The following CELF4 variants were observed in gnomAD, a reference collection of about 807,000 sequenced individuals.
The protein encoded by CELF4 is CUGBP Elav-like family member 4.
In CELF4, 18 loss-of-function variants were observed where a neutral mutation model predicts 59.9. The observed-to-expected ratio is 0.30, with a 90% CI of 0.21 to 0.45. The LOEUF (loss-of-function observed/expected upper bound fraction) is 0.45. Ranked by LOEUF, CELF4 falls within the 20% of genes least tolerant of loss-of-function variation. The pLI is 1.00. For missense variants in CELF4, 456 were observed against 689.0 expected, an observed-to-expected ratio of 0.66 and a Z score of 3.79; for synonymous variants, 261 against 267.1, an observed-to-expected ratio of 0.98 and a Z score of 0.22.
At chr18:37,302,201 G>C (rs2096092337) in intron 3 of CELF4, among the ~76,000 whole-genome samples, 1 of 152,138 alleles carries the variant, frequency 6.6e-6, no homozygotes. Flanking sequence ...CAGGTGGATG[G>C]AGTTACCTGT....
At chr18:37,519,413 C>A (rs558307692) in intron 1 of CELF4, among the ~76,000 whole-genome samples, 121 of 152,168 alleles carry the variant, frequency 8.0e-4, no homozygotes, top group African/African-American at 2.9e-3. Flanking sequence ...GCTTTGTTTG[C>A]GCCTTCCTCC....
intron 1 of CELF4, among the ~76,000 whole-genome samples, chr18:37,526,810 T>C (rs987565489): frequency 2.0e-5 from 3 of 152,168 alleles, no homozygotes; most frequent in Non-Finnish European, 4.4e-5. Flanking sequence ...TGGGCCTAGT[T>C]TGAATCCCAA....
At chr18:37,538,825 C>T (rs1488311616) in intron 1 of CELF4, among the ~76,000 whole-genome samples, 1 of 152,156 alleles carries the variant, frequency 6.6e-6, no homozygotes, top group East Asian at 1.9e-4. Flanking sequence ...TCCCAGAGCC[C>T]GACTGGAAGA....
chr18:37,416,272 A>T (rs1369571954), intron 2 of CELF4, among the ~76,000 whole-genome samples: 1 of 152,018 alleles, frequency 6.6e-6, no homozygotes, highest in African/African-American at 2.4e-5. Context: ...CTGCCATTTG[A>T]AGTATCTGAC....
rs35947067 is a variant in CELF4, at chr18:37,367,695, CT to C, written c.370-45815del. 1.2e-3 allele frequency among the ~76,000 whole-genome samples: 169 copies of C among 144,570 alleles called. 1 individual carries two copies. The highest frequency in any genetic ancestry group is 3.0e-3 in the East Asian group (15 of 4,996). The allele number at this position is 144,570 out of a possible 152,430, so 94.8% of individuals were successfully genotyped here. A position where few individuals can be genotyped will look rare whatever the true frequency, so the allele number is the denominator to read the frequency against. ...GAGACTGTGTTTTTTTCTTTTCTTT[CT>C]TTTTTTTTTTTCTTAAAAGAGAGAA... On this transcript the variant is annotated intron_variant, in intron 2 of 12. Coordinates refer to ENST00000420428, the MANE Select transcript of CELF4 (RefSeq NM_020180.4).
chr18:37,552,782 T>A (rs1222130411), intron 1 of CELF4, among the ~76,000 whole-genome samples: 1 of 152,228 alleles, frequency 6.6e-6, no homozygotes. Flanking sequence ...GCCTGCATGT[T>A]TGGCCCTTCC....
chr18:37,411,349 CGT>C (rs1448668393), intron 2 of CELF4, among the ~76,000 whole-genome samples: 3 of 152,056 alleles, frequency 2.0e-5, no homozygotes, highest in African/African-American at 7.3e-5. Flanking sequence ...GTGTGGGAGA[CGT>C]GTGTGTTTAT....
intron 1 of CELF4, among the ~76,000 whole-genome samples, chr18:37,558,136 G>A (rs2154606169): frequency 6.6e-6 from 1 of 151,234 alleles, no homozygotes; most frequent in Admixed American, 6.6e-5. Context: ...TGAGTAGCTG[G>A]GACTACAGGC....
chr18:37,350,938 T>A (rs2098425664), intron 2 of CELF4, among the ~76,000 whole-genome samples: 1 of 152,216 alleles, frequency 6.6e-6, no homozygotes, highest in African/African-American at 2.4e-5. Context: ...GTCTTGGGTC[T>A]CTGGGGAGCC....
intron 2 of CELF4, among the ~76,000 whole-genome samples, chr18:37,421,451 G>C (rs1248969970): frequency 2.0e-5 from 3 of 152,204 alleles, no homozygotes; most frequent in Admixed American, 6.5e-5. Flanking sequence ...GCTGTGGTAG[G>C]CCAGCTGAAT....
At chr18:37,369,684 A>G (rs1274000991) in intron 2 of CELF4, among the ~76,000 whole-genome samples, 1 of 152,232 alleles carries the variant, frequency 6.6e-6, no homozygotes, top group Non-Finnish European at 1.5e-5. Context: ...TCCCAGTGCC[A>G]AAGAATTAAC....
chr18:37,533,232 A>G (rs1475174152), intron 1 of CELF4, among the ~76,000 whole-genome samples: 4 of 152,248 alleles, frequency 2.6e-5, no homozygotes, highest in Non-Finnish European at 4.4e-5. Context: ...CACAGACATT[A>G]TCCCACGAGC....
At chr18:37,266,359 C>T (rs2077528832) in intron 9 of CELF4, 174 bp downstream of exon 9, 2 of 685,834 alleles carry the variant, frequency 2.9e-6, no homozygotes, top group African/African-American at 1.8e-5. Context: ...CTCTCGGTGG[C>T]CCGCTGACAA....
chr18:37,247,759 G>A (rs996677406), intron 12 of CELF4, among the ~76,000 whole-genome samples: 1 of 152,124 alleles, frequency 6.6e-6, no homozygotes, highest in Non-Finnish European at 1.5e-5. Context: ...TCATGCGTTG[G>A]GGAGGGGGGC....
chr18:37,404,554 G>T (rs1450439532), intron 2 of CELF4, among the ~76,000 whole-genome samples: 1 of 152,192 alleles, frequency 6.6e-6, no homozygotes, highest in African/African-American at 2.4e-5. Context: ...GAAGCCATGG[G>T]AATCTCACAT....
chr18:37,362,680 GC>G (rs2098723882), intron 2 of CELF4, among the ~76,000 whole-genome samples: 3 of 152,142 alleles, frequency 2.0e-5, no homozygotes, highest in South Asian at 4.2e-4. Context: ...TGGCTGCCCT[GC>G]CCTGCCCGCG....
chr18:37,521,017 G>T (rs1386213867), intron 1 of CELF4, among the ~76,000 whole-genome samples: 4 of 145,896 alleles, frequency 2.7e-5, no homozygotes, highest in African/African-American at 1.0e-4. Context: ...TCAAACAGAT[G>T]AAGAAGCAAT....
At chr18:37,404,033 C>T (rs969810321) in intron 2 of CELF4, among the ~76,000 whole-genome samples, 2 of 152,216 alleles carry the variant, frequency 1.3e-5, no homozygotes, top group African/African-American at 4.8e-5. Context: ...GCATCTTCCA[C>T]CTGAAGTGGG....
intron 2 of CELF4, among the ~76,000 whole-genome samples, chr18:37,444,605 C>G (rs1318072779): frequency 7.0e-6 from 1 of 143,778 alleles, no homozygotes; most frequent in Non-Finnish European, 1.5e-5. Context: ...CTCTCTCTCT[C>G]TCTAGCATGC....
Sources: allele counts gnomAD v4.1 joint callset (sites outside exome capture counted in the v4.1 genomes callset), GRCh38; gene constraint gnomAD v4.1.1; transcripts MANE v1.5; gene names NCBI Gene and HGNC (gene_info 2026-07-23, HGNC 2026-07-21).